Variants in TMEM132D observed in about 807,000 individuals in gnomAD.
TMEM132D encodes the protein mature OL transmembrane protein.
TMEM132D carries 21 observed loss-of-function variants against 62.3 expected under a neutral mutation model. That is an observed-to-expected ratio of 0.34 (90% CI 0.24 to 0.49). TMEM132D has a LOEUF of 0.49. TMEM132D is among the 20% of genes least tolerant of loss of function. The probability of loss-of-function intolerance (pLI) is 0.99; values close to 1 mark genes in which losing one functional copy is unlikely to be tolerated. For synonymous variants in TMEM132D, 621 were observed against 575.6 expected (o/e 1.08, Z -1.13); for missense variants, 1,346 against 1,402.8 (o/e 0.96, Z 0.65).
At chr12:129,513,820 ATTTATTTAT>A (rs1566093706) in intron 3 of TMEM132D, among the ~76,000 whole-genome samples, 1 of 115,036 alleles carries the variant, frequency 8.7e-6, no homozygotes, top group African/African-American at 3.2e-5. Flanking sequence ...TTATTTATTT[ATTTATTTAT>A]TTATTTATTT....
intron 2 of TMEM132D, among the ~76,000 whole-genome samples, chr12:129,584,824 G>A (rs539633384): frequency 7.4e-4 from 113 of 152,272 alleles, no homozygotes; most frequent in Middle Eastern, 3.4e-3. Flanking sequence ...TGAAATTACC[G>A]ATGGAAAGAA....
intron 2 of TMEM132D, among the ~76,000 whole-genome samples, chr12:129,645,774 T>G (rs970847289): frequency 2.0e-5 from 3 of 152,006 alleles, no homozygotes; most frequent in Admixed American, 6.6e-5. Flanking sequence ...GGTGACGGAG[T>G]GACCTCTGGT....
Position 129,779,110 on chromosome 12 carries a change from C to T in TMEM132D, c.80-78412G>A, listed in dbSNP as rs1009074552. The stretch of plus-strand genomic sequence containing the variant: ...TCCTTACCATTCTCATACAACGAGG[C>T]GACTGCAACAGCTCCAGGCATCACA... On this transcript the variant is annotated intron_variant, in intron 1 of 8. Transcript: ENST00000422113. The surrounding 1 kb of genome is among the most constrained non-coding windows in gnomAD (Gnocchi z 4.1). 2.0e-5 allele frequency among the ~76,000 whole-genome samples: 3 copies of T among 152,120 alleles called. No homozygotes were observed. Among genetic ancestry groups the T allele is most frequent in the Admixed American group, 6.5e-5 (1 of 15,272 alleles).
chr12:129,130,260 C>T lies in TMEM132D; in HGVS notation c.1444-45558G>A, dbSNP rs74834133. Among the ~76,000 whole-genome samples, 1,182 of 152,142 alleles carry T rather than the reference C, an allele frequency of 7.8e-3. 24 individuals are homozygous for T. The highest frequency in any genetic ancestry group is 0.027 in the African/African-American group (1,115 of 41,490). On this transcript the variant is annotated intron_variant, in intron 5 of 8. Transcript: ENST00000422113. The stretch of plus-strand genomic sequence containing the variant: ...AAGAAAACCACCCCACCCAAGGTCC[C>T]ATCTCCTTCTGGGGATGCCCGTGGA...
At chr12:129,643,230 AT>A (rs1879688348) in intron 2 of TMEM132D, among the ~76,000 whole-genome samples, 1 of 152,086 alleles carries the variant, frequency 6.6e-6, no homozygotes, top group Non-Finnish European at 1.5e-5. Flanking sequence ...GCCACAGATC[AT>A]TTTAAGAGGA....
Position 129,747,388 on chromosome 12 carries a change from CCA to C in TMEM132D, c.80-46692_80-46691del, listed in dbSNP as rs201324271. Among the ~76,000 whole-genome samples the C allele has an allele frequency of 5.6e-3, 844 of 151,864 alleles. 7 individuals are homozygous for C. Among genetic ancestry groups the C allele is most frequent in the African/African-American group, 0.019 (804 of 41,392 alleles). On this transcript the variant is annotated intron_variant, in intron 1 of 8. Coordinates refer to ENST00000422113, the MANE Select transcript of TMEM132D (RefSeq NM_133448.3). The stretch of plus-strand genomic sequence containing the variant: ...TCTCACTTTTACACATTTGAAAGCT[CCA>C]CACACACACTCAGACACACACACAT...
intron 3 of TMEM132D, among the ~76,000 whole-genome samples, chr12:129,347,871 AC>A (rs1869735974): frequency 6.6e-6 from 1 of 152,238 alleles, no homozygotes; most frequent in Non-Finnish European, 1.5e-5. Flanking sequence ...CAAGAAAAAA[AC>A]AACCCCATCA....
intron 3 of TMEM132D, among the ~76,000 whole-genome samples, chr12:129,437,625 C>T (rs970684150): frequency 6.6e-6 from 1 of 152,106 alleles, no homozygotes; most frequent in African/African-American, 2.4e-5. Context: ...CTGGCATAAC[C>T]ACTTTGGAAA....
intron 1 of TMEM132D, among the ~76,000 whole-genome samples, chr12:129,782,399 A>C (rs1332656661): frequency 1.3e-5 from 2 of 152,184 alleles, no homozygotes; most frequent in Non-Finnish European, 2.9e-5. Flanking sequence ...GTTTGATCTT[A>C]GACAAGTTGA....
chr12:129,629,175 C>T (rs1253799036), intron 2 of TMEM132D, among the ~76,000 whole-genome samples: 12 of 152,122 alleles, frequency 7.9e-5, no homozygotes, highest in African/African-American at 2.9e-4. Context: ...GGGATATTCC[C>T]TCCTATCCCC....
At chr12:129,622,147 A>G (rs1442512270) in intron 2 of TMEM132D, among the ~76,000 whole-genome samples, 1 of 152,196 alleles carries the variant, frequency 6.6e-6, no homozygotes, top group Non-Finnish European at 1.5e-5. Context: ...GGTTGAAACA[A>G]TAAGTGAATC....
chr12:129,684,559 G>T (rs1880860965), intron 2 of TMEM132D, among the ~76,000 whole-genome samples: 2 of 152,046 alleles, frequency 1.3e-5, no homozygotes, highest in Non-Finnish European at 2.9e-5. Context: ...AGAGTGGGGT[G>T]CTGCTATAAA....
At chr12:129,703,451 G>A (rs1218491965) in intron 1 of TMEM132D, among the ~76,000 whole-genome samples, 1 of 125,034 alleles carries the variant, frequency 8.0e-6, no homozygotes, top group African/African-American at 2.9e-5. Context: ...CCTAAAGCTA[G>A]TGTCACTTCC....
chr12:129,340,939 A>G (rs1332389507), intron 3 of TMEM132D, among the ~76,000 whole-genome samples: 1 of 152,198 alleles, frequency 6.6e-6, no homozygotes, highest in Non-Finnish European at 1.5e-5. Flanking sequence ...CTTAGCTTGC[A>G]TGAGTTCCCC....
At chr12:129,699,519 A>G (rs1881320581) in intron 2 of TMEM132D, among the ~76,000 whole-genome samples, 1 of 152,192 alleles carries the variant, frequency 6.6e-6, no homozygotes, top group African/African-American at 2.4e-5. Context: ...AGCATTCCCA[A>G]AACTTGCTGA....
intron 5 of TMEM132D, among the ~76,000 whole-genome samples, chr12:129,112,813 T>C (rs1875763205): frequency 1.3e-5 from 2 of 152,188 alleles, no homozygotes; most frequent in Non-Finnish European, 2.9e-5. Context: ...CAGAAGGTCT[T>C]GGTGAACAGT....
chr12:129,265,929 G>C (rs1880679817), intron 4 of TMEM132D, among the ~76,000 whole-genome samples: 1 of 152,036 alleles, frequency 6.6e-6, no homozygotes, highest in African/African-American at 2.4e-5. Context: ...CTCTTCCCAA[G>C]TATAATATAA....
At chr12:129,756,010 A>C (rs535602573) in intron 1 of TMEM132D, among the ~76,000 whole-genome samples, 1 of 152,196 alleles carries the variant, frequency 6.6e-6, no homozygotes, top group Non-Finnish European at 1.5e-5. Context: ...TGACAGGCCT[A>C]TTTCACCAGG....
At position 129,578,608 on chromosome 12, in the gene TMEM132D, G is replaced by GCTGTT. The variant is rs1300960683; in HGVS notation, c.969-47408_969-47404dup. 7.2e-5 allele frequency among the ~76,000 whole-genome samples: 11 copies of GCTGTT among 152,094 alleles called. No homozygotes were observed. In the South Asian group the frequency reaches 1.5e-3, roughly 20 times the overall value. On this transcript the variant is annotated intron_variant, in intron 2 of 8. Coordinates refer to ENST00000422113, the MANE Select transcript of TMEM132D (RefSeq NM_133448.3). ...GCATATTGGCCCACACAATATGGAG[G>GCTGTT]CTGTTACATCCTACAATCTATACCA...
Sources: gnomAD v4.1 joint callset for allele counts (sites outside exome capture counted in the v4.1 genomes callset) on GRCh38, gnomAD v4.1.1 for gene constraint, Gnocchi (gnomAD v3.1) non-coding constraint, MANE v1.5 for transcripts, NCBI Gene and HGNC (gene_info 2026-07-23, HGNC 2026-07-21) for gene names.